The following SNED1 variants were observed in gnomAD, a reference collection of about 807,000 sequenced individuals.
SNED1 encodes sushi, nidogen and EGF like domains 1.
SNED1 carries 81 observed loss-of-function variants against 166.7 expected under a neutral mutation model. That is an observed-to-expected ratio of 0.49 (90% CI 0.41 to 0.58). The LOEUF (loss-of-function observed/expected upper bound fraction) is 0.58, where lower values mean the gene tolerates loss of function less well. Ranked by LOEUF, SNED1 falls within the 20% of genes least tolerant of loss-of-function variation. The pLI, the probability that SNED1 is intolerant of heterozygous loss-of-function variation, is 0.00. For synonymous variants in SNED1, 762 were observed against 822.0 expected, an observed-to-expected ratio of 0.93 and a Z score of 1.25; for missense variants, 1,604 against 2,000.2, an observed-to-expected ratio of 0.80 and a Z score of 3.78.
chr2:241,088,388 T>C lies in SNED1; in HGVS notation c.4229T>C (p.Leu1410Pro). The C allele has an allele frequency of 6.2e-7, 1 of 1,612,154 alleles. No homozygotes were observed. Among genetic ancestry groups the C allele is most frequent in the Non-Finnish European group, 8.5e-7 (1 of 1,178,248 alleles). ...AGGAAACAAAGTAAGAGTCAGACAC[T>C]GGAGAAATCTTAAGGTACGTCCCTG... ...PNRKQSKSQT[L>P]EKS The change falls in exon 31 of 32, where the codon CTG becomes CCG. Residue 1410 changes from leucine to proline, a missense_variant. Coordinates refer to ENST00000310397, the MANE Select transcript of SNED1 (RefSeq NM_001080437.3).
rs935168282 is a variant in SNED1 at position 241,091,942 on chromosome 2, T to C, written c.*306T>C. 6.6e-6 allele frequency: 1 copy of C among 152,318 alleles called. No individual in the cohort carries two copies. Among genetic ancestry groups the C allele is most frequent in the African/African-American group, 2.4e-5 (1 of 41,472 alleles). The allele number at this position is 152,318 out of a possible 1,614,324, so 9.4% of individuals were successfully genotyped here. On this transcript the variant is annotated 3_prime_UTR_variant, in exon 32 of 32. Coordinates refer to ENST00000310397, the MANE Select transcript of SNED1 (RefSeq NM_001080437.3). This position sits in a 1 kb window ranked among gnomAD's most constrained non-coding sequence, Gnocchi z 4.1. Reference sequence around the variant, plus strand: ...GTAGTCTGTGTCTCTGCGGATGAGATGACAGCTCGCCATTCCCCGGAATCA... The same window carrying C: ...GTAGTCTGTGTCTCTGCGGATGAGACGACAGCTCGCCATTCCCCGGAATCA...
rs1192767685 is a variant in SNED1, at chr2:241,052,704, G to C, written c.2083+236G>C. Among the ~76,000 whole-genome samples, 23 of 18,186 alleles carry C rather than the reference G, an allele frequency of 1.3e-3. 3 individuals are homozygous for C. In the South Asian group the frequency reaches 0.022, roughly 17 times the overall value. The allele number at this position is 18,186 out of a possible 152,430, so 11.9% of individuals were successfully genotyped here. The stretch of plus-strand genomic sequence containing the variant: ...GAGAGGGTCGGCGGGGGGGGGGGGG[G>C]TCAAGCAGGGTACATGGGATACCAG... On this transcript the variant is annotated intron_variant, in intron 15 of 31. Transcript: ENST00000310397.
At chr2:241,022,677 C>T (rs1422041595) in intron 1 of SNED1, among the ~76,000 whole-genome samples, 1 of 152,202 alleles carries the variant, frequency 6.6e-6, no homozygotes, top group Non-Finnish European at 1.5e-5. Context: ...TCCTGGAAGA[C>T]TTCTCATTTC....
At chr2:241,034,798 G>T (rs1456782379) in intron 4 of SNED1, 68 bp downstream of exon 4, 11 of 1,456,968 alleles carry the variant, frequency 7.5e-6, no homozygotes, top group Non-Finnish European at 1.0e-5. Context: ...CAGAGGAGAG[G>T]TGGAGACGAA....
In SNED1 at chr2:241,009,793, T is replaced by TGTCCCATGTGTGTTTCCCCGGAGGC. The variant is rs143842304; in HGVS notation, c.213+10769_213+10793dup. On this transcript the variant is annotated intron_variant, in intron 1 of 31. Transcript: ENST00000310397. The stretch of plus-strand genomic sequence containing the variant: ...GAACAACCCCTTGGGTGACTGCTTC[T>TGTCCCATGTGTGTTTCCCCGGAGGC]GTCCCATGTGTGTTTCCCCGGAGGC... Among the ~76,000 whole-genome samples, 6 of 152,116 alleles carry TGTCCCATGTGTGTTTCCCCGGAGGC rather than the reference T, an allele frequency of 3.9e-5. 1 individual carries two copies. Among genetic ancestry groups the TGTCCCATGTGTGTTTCCCCGGAGGC allele is most frequent in the East Asian group, 3.9e-4 (2 of 5,168 alleles).
chr2:241,080,067 T>C (rs2063257184), intron 27 of SNED1, among the ~76,000 whole-genome samples: 3 of 152,146 alleles, frequency 2.0e-5, no homozygotes. Context: ...GGCAGTTGAC[T>C]TGAGGTCAGG....
At position 241,049,799 on chromosome 2, in the gene SNED1, T is replaced by G. The variant is rs1467299370; in HGVS notation, c.1619-18T>G. 1 of 1,600,080 alleles carries G rather than the reference T, an allele frequency of 6.2e-7. No individual in the cohort carries two copies. Among genetic ancestry groups the G allele is most frequent in the Non-Finnish European group, 8.6e-7 (1 of 1,167,884 alleles). The stretch of plus-strand genomic sequence containing the variant: ...TGCGGCGTAAGCTCCAGGACCACCC[T>G]CTGTCCCCCGCCCCCAGCCCTGCCA... On this transcript the variant is annotated intron_variant, in intron 11 of 31. Coordinates refer to ENST00000310397, the MANE Select transcript of SNED1 (RefSeq NM_001080437.3).
At chr2:241,047,375 A>T (rs546201327) in intron 8 of SNED1, among the ~76,000 whole-genome samples, 1 of 152,284 alleles carries the variant, frequency 6.6e-6, no homozygotes, top group East Asian at 1.9e-4. Flanking sequence ...CTGAACTGCA[A>T]GGAGAAATAG....
intron 16 of SNED1, among the ~76,000 whole-genome samples, chr2:241,062,575 AGCCC>A (rs2062270728): frequency 6.6e-6 from 1 of 152,154 alleles, no homozygotes. Flanking sequence ...GGTGGTTTCA[AGCCC>A]GCCCTGCTGC....
chr2:241,080,083 G>C (rs1373606050), intron 27 of SNED1, among the ~76,000 whole-genome samples: 1 of 152,142 alleles, frequency 6.6e-6, no homozygotes, highest in African/African-American at 2.4e-5. Context: ...TCAGGAGTTT[G>C]AATCCAGCCT....
Position 241,071,888 on chromosome 2 carries a change from A to AG in SNED1, c.3817+13dup, listed in dbSNP as rs1455348194. On this transcript the variant is annotated intron_variant, in intron 26 of 31. Transcript: ENST00000310397. Reference sequence around the variant, plus strand: ...GCCACCGTGAGATCACGTGAGTGCCAGGGCCTCCCCACCCACCTTGGTGGC... The same window carrying AG: ...GCCACCGTGAGATCACGTGAGTGCCAGGGGCCTCCCCACCCACCTTGGTGGC... 3 of 1,591,210 alleles carry AG rather than the reference A, an allele frequency of 1.9e-6. No individual in the cohort carries two copies. Among genetic ancestry groups the AG allele is most frequent in the African/African-American group, 1.3e-5 (1 of 74,444 alleles).
intron 1 of SNED1, among the ~76,000 whole-genome samples, chr2:241,019,016 C>A (rs977530285): frequency 6.6e-6 from 1 of 152,122 alleles, no homozygotes; most frequent in African/African-American, 2.4e-5. Context: ...GGTGGCCAAG[C>A]GGAGAAGAAC....
Position 241,031,736 on chromosome 2 carries a change from C to T in SNED1, c.501+1165C>T, listed in dbSNP as rs556422564. Among the ~76,000 whole-genome samples the T allele has an allele frequency of 3.3e-5, 5 of 152,370 alleles. No individual in the cohort carries two copies. In the East Asian group the frequency reaches 9.7e-4, roughly 29 times the overall value. On this transcript the variant is annotated intron_variant, in intron 2 of 31. Transcript: ENST00000310397. ...GCCACCACCCCAATTCTACGGCCCT[C>T]GCGTCTTTGTTTGTTTTCCGAGTGT...
At chr2:241,015,711 T>C (rs947912638) in intron 1 of SNED1, 2 of 171,378 alleles carry the variant, frequency 1.2e-5, no homozygotes, top group African/African-American at 4.8e-5. Flanking sequence ...GTGCCTGTGC[T>C]GGCCGAGGCC....
In SNED1 at chr2:241,091,299, G is replaced by A. The variant is rs1484495223; in HGVS notation, c.*2-339G>A. On this transcript the variant is annotated intron_variant, in intron 31 of 31. Coordinates refer to ENST00000310397, the MANE Select transcript of SNED1 (RefSeq NM_001080437.3). The surrounding 1 kb of genome is among the most constrained non-coding windows in gnomAD (Gnocchi z 4.1). The stretch of plus-strand genomic sequence containing the variant: ...GCCCTTGGAGAAAAGACCCAGAGTC[G>A]TTACCGGAAGGAGGAGGGCAGGGAA... Among the ~76,000 whole-genome samples the A allele has an allele frequency of 2.0e-5, 3 of 152,230 alleles. No homozygotes were observed. Among genetic ancestry groups the A allele is most frequent in the African/African-American group, 4.8e-5 (2 of 41,468 alleles).
At chr2:241,065,755 G>A (rs1388437968) in intron 21 of SNED1, among the ~76,000 whole-genome samples, 160 bp downstream of exon 21, 1 of 152,234 alleles carries the variant, frequency 6.6e-6, no homozygotes, top group Non-Finnish European at 1.5e-5. Flanking sequence ...CCGCCCTGCT[G>A]GAGACAGAGC....
chr2:241,082,198 C>T (rs1575116641), intron 28 of SNED1, 79 bp from the exon 29 acceptor site: 1 of 1,208,306 alleles, frequency 8.3e-7, no homozygotes, highest in Admixed American at 1.9e-5. Context: ...CGGGCCCTCT[C>T]CCTTGGGCAA....
chr2:241,080,677 G>T (rs576593802), intron 27 of SNED1, among the ~76,000 whole-genome samples: 2 of 152,374 alleles, frequency 1.3e-5, no homozygotes, highest in Admixed American at 1.3e-4. Flanking sequence ...GAAAACAACT[G>T]ACAGCAATGG....
chr2:241,094,786 G>C lies in SNED1; in HGVS notation c.*3150G>C, dbSNP rs1041783757. The C allele has an allele frequency of 2.4e-5, 4 of 167,494 alleles. No individual in the cohort carries two copies. Among genetic ancestry groups the C allele is most frequent in the African/African-American group, 9.6e-5 (4 of 41,460 alleles). 10.4% of individuals were successfully genotyped at this position (167,494 alleles called of 1,614,324 possible). ...GAATCCTACAATCTACCAGATCCTA[G>C]GATCTAGTTGATCCTAGAATGCTAC... On this transcript the variant is annotated 3_prime_UTR_variant, in exon 32 of 32. Transcript: ENST00000310397. This position sits in a 1 kb window ranked among gnomAD's most constrained non-coding sequence, Gnocchi z 4.3.
Sources: gnomAD v4.1 joint callset for allele counts (sites outside exome capture counted in the v4.1 genomes callset) on GRCh38, gnomAD v4.1.1 for gene constraint, Gnocchi (gnomAD v3.1) non-coding constraint, MANE v1.5 for transcripts, NCBI Gene and HGNC (gene_info 2026-07-23, HGNC 2026-07-21) for gene names.